The following CRB2 variants were observed in gnomAD, a reference collection of about 807,000 sequenced individuals.
CRB2 encodes protein crumbs homolog 2.
CRB2 carries 85 observed loss-of-function variants against 110.9 expected under a neutral mutation model. The observed-to-expected ratio is 0.77, with a 90% CI of 0.64 to 0.92. The LOEUF is 0.92. Ranked by LOEUF, CRB2 falls within the 40% of genes least tolerant of loss-of-function variation. The pLI, the probability that CRB2 is intolerant of heterozygous loss-of-function variation, is 0.00. For synonymous variants in CRB2, 907 were observed against 831.0 expected (o/e 1.09, Z -1.57); for missense variants, 1,843 against 1,851.3 (o/e 1.00, Z 0.08).
intron 2 of CRB2, among the ~76,000 whole-genome samples, chr9:123,363,478 C>G (rs1007254248): frequency 1.7e-4 from 26 of 152,276 alleles, no homozygotes; most frequent in Non-Finnish European, 3.5e-4. Context: ...TGGAATACCC[C>G]TCATTCATCT....
intron 12 of CRB2, among the ~76,000 whole-genome samples, chr9:123,376,407 A>G (rs905105894): frequency 5.9e-5 from 9 of 152,134 alleles, no homozygotes; most frequent in Non-Finnish European, 1.3e-4. Flanking sequence ...ACAAGCTGTC[A>G]TAACAGCCCC....
chr9:123,366,365 A>G lies in CRB2; in HGVS notation c.753A>G (p.Pro251=). ...GGAGCTTCCGCTGCCTCTGTTGGCC[A>G]GGTGTGTGCGTGCAGGTGCGCGGCC... is the stretch of plus-strand genomic sequence containing the variant. ...GLGSFRCLCW[P]GYSGELCEVD... is the part of the protein sequence containing the mutation. Residue 251 remains proline, a splice_region_variant and synonymous_variant, in exon 4 of 13, where the codon CCA becomes CCG. Coordinates refer to ENST00000373631, the MANE Select transcript of CRB2 (RefSeq NM_173689.7). 1 of 1,546,794 alleles carries G rather than the reference A, an allele frequency of 6.5e-7. No individual in the cohort carries two copies. The highest frequency in any genetic ancestry group is 1.2e-5 in the South Asian group (1 of 84,318).
At chr9:123,374,448 C>T in intron 10 of CRB2, 131 bp from the exon 11 acceptor site, 3 of 686,056 alleles carry the variant, frequency 4.4e-6, no homozygotes, top group Admixed American at 2.2e-5. Context: ...GGACCTCAAT[C>T]CCATGCCCAA....
chr9:123,367,599 G>C lies in CRB2; in HGVS notation c.967G>C (p.Glu323Gln). 1 of 1,562,896 alleles carries C rather than the reference G, an allele frequency of 6.4e-7. No individual in the cohort carries two copies. ...EGADCGVEVD[E>Q]CASRPCLNGG... ...AGCCGACTGCGGTGTGGAGGTGGACGAGTGTGCCTCACGGCCATGCCTCAA... is the reference window on the plus strand; with the variant it reads ...AGCCGACTGCGGTGTGGAGGTGGACCAGTGTGCCTCACGGCCATGCCTCAA... The change falls in exon 6 of 13, where the codon GAG becomes CAG. Residue 323 changes from glutamate to glutamine, a missense_variant. Coordinates refer to ENST00000373631, the MANE Select transcript of CRB2 (RefSeq NM_173689.7).
chr9:123,366,905 G>A lies in CRB2; in HGVS notation c.755-267G>A, dbSNP rs954066791. On this transcript the variant is annotated intron_variant, in intron 4 of 12. Transcript: ENST00000373631. Reference sequence around the variant, plus strand: ...GGTGGAGGTGAGCAGAGATCATGCCGCTGCACTCCAGCCTGGGCAACAGAG... The same window carrying A: ...GGTGGAGGTGAGCAGAGATCATGCCACTGCACTCCAGCCTGGGCAACAGAG... Among the ~76,000 whole-genome samples, 3 of 149,090 alleles carry A rather than the reference G, an allele frequency of 2.0e-5. No individual in the cohort carries two copies. In the East Asian group the frequency reaches 5.9e-4, roughly 29 times the overall value.
chr9:123,366,396 G>T (rs200295767), intron 4 of CRB2, 30 bp downstream of exon 4: 1 of 1,527,632 alleles, frequency 6.5e-7, no homozygotes. Flanking sequence ...CGGCCTGGCG[G>T]GGGGAGGGGT....
At chr9:123,368,833 C>T (rs1477611273) in intron 6 of CRB2, 11 of 1,245,360 alleles carry the variant, frequency 8.8e-6, no homozygotes, top group African/African-American at 3.1e-5. Context: ...GCTCTGCCTC[C>T]TCCCCACTTC....
At chr9:123,357,305 G>A (rs949602996) in intron 1 of CRB2, among the ~76,000 whole-genome samples, 6 of 152,050 alleles carry the variant, frequency 3.9e-5, no homozygotes, top group Non-Finnish European at 7.4e-5. Flanking sequence ...CCGGGCCTGG[G>A]AAGTCCCCTG....
chr9:123,374,483 C>A, intron 10 of CRB2, 96 bp from the exon 11 acceptor site: 2 of 823,724 alleles, frequency 2.4e-6, no homozygotes, highest in Non-Finnish European at 4.0e-6. Flanking sequence ...GAGTTCCATA[C>A]ATGAGAACAC....
chr9:123,354,668 C>A (rs1226435613), upstream of CRB2, among the ~76,000 whole-genome samples: 1 of 152,142 alleles, frequency 6.6e-6, no homozygotes, highest in African/African-American at 2.4e-5. Flanking sequence ...ATTGGAGAGG[C>A]AGGGGATTAA....
At chr9:123,376,288 C>G (rs148033683) in intron 12 of CRB2, among the ~76,000 whole-genome samples, 4 of 152,160 alleles carry the variant, frequency 2.6e-5, no homozygotes, top group Non-Finnish European at 5.9e-5. Context: ...CCTGGGACTA[C>G]AGAGTCCCAG....
At chr9:123,355,662 G>GA, upstream of CRB2, among the ~76,000 whole-genome samples, 1 of 142,792 alleles carries the variant, frequency 7.0e-6, no homozygotes, top group South Asian at 2.4e-4. Context: ...GGGGAGTGGG[G>GA]AGGGGGCGTT....
chr9:123,370,524 G>C lies in CRB2; in HGVS notation c.1471G>C (p.Ala491Pro). ...KESLELALVA[A>P]TLQATLWSYS... ...AAGCTTGGAGCTGGCATTGGTGGCA[G>C]CCACACTTCAGGCCACACTCTGGAG... The change falls in exon 7 of 13, where the codon GCC becomes CCC. Residue 491 changes from alanine to proline, a missense_variant. By Grantham distance (27) the Ala-to-Pro change is conservative (BLOSUM62 -1). Coordinates refer to ENST00000373631, the MANE Select transcript of CRB2 (RefSeq NM_173689.7). The C allele has an allele frequency of 6.2e-7, 1 of 1,613,516 alleles. No individual in the cohort carries two copies. Among genetic ancestry groups the C allele is most frequent in the Non-Finnish European group, 8.5e-7 (1 of 1,180,032 alleles).
chr9:123,364,567 G>C (rs58362711), intron 2 of CRB2, among the ~76,000 whole-genome samples: 1,960 of 145,784 alleles, frequency 0.013, 31 homozygotes, highest in South Asian at 0.071. Flanking sequence ...TGGGGATGGG[G>C]AGGGAGGAGG....
At chr9:123,369,030 C>A (rs565348219) in intron 6 of CRB2, 10 of 1,018,300 alleles carry the variant, frequency 9.8e-6, no homozygotes, top group African/African-American at 1.8e-5. Context: ...GTGAGCTGAT[C>A]GAGGCTGGGC....
In CRB2 at chr9:123,377,271, T is replaced by A. The variant is rs993761673; in HGVS notation, c.*209T>A. On this transcript the variant is annotated 3_prime_UTR_variant, in exon 13 of 13. Transcript: ENST00000373631. ...CCTAGAGAGGCTGCGGACTTCTCCA[T>A]CCCACCCTCGGGGTTCCGCCTTGGC... 1.8e-6 allele frequency: 1 copy of A among 570,734 alleles called. No individual in the cohort carries two copies. Among genetic ancestry groups the A allele is most frequent in the African/African-American group, 1.9e-5 (1 of 53,274 alleles). 35.4% of individuals were successfully genotyped at this position (570,734 alleles called of 1,614,324 possible).
In CRB2 at chr9:123,370,698, G is replaced by T; in HGVS notation, c.1645G>T (p.Gly549Cys). ...CCCTGCCCGGCTCTGTGTGGCCTCT[G>T]GTCCTGTGGCCCTGGCTTCCACGGC... ...GCPARLCVAS[G>C]PVALASTASA... is the part of the protein sequence containing the mutation. Residue 549 changes from glycine to cysteine, a missense_variant, in exon 7 of 13, where the codon GGT becomes TGT. Gly to Cys is a radical substitution (Grantham distance 159, BLOSUM62 -3). Transcript: ENST00000373631. 1.2e-6 allele frequency: 2 copies of T among 1,605,304 alleles called. No individual in the cohort carries two copies. The highest frequency in any genetic ancestry group is 1.7e-6 in the Non-Finnish European group (2 of 1,179,924).
intron 1 of CRB2, among the ~76,000 whole-genome samples, chr9:123,360,710 G>A (rs557422765): frequency 1.2e-4 from 19 of 152,298 alleles, no homozygotes; most frequent in African/African-American, 4.6e-4. Context: ...GAGGCCCTGG[G>A]TTTGGATTCC....
At position 123,363,113 on chromosome 9, in the gene CRB2, C is replaced by T. The variant is rs752220768; in HGVS notation, c.343C>T (p.Arg115Trp). ...GCTGGACATCGATGAGTGTGCATCC[C>T]GGCCGTGCCACCATGGGGCCACCTG... ...CELDIDECASRPCHHGATCRN... is the reference protein window; with the variant it reads ...CELDIDECASWPCHHGATCRN... The change falls in exon 2 of 13, where the codon CGG becomes TGG. Residue 115 changes from arginine to tryptophan, a missense_variant. Coordinates refer to ENST00000373631, the MANE Select transcript of CRB2 (RefSeq NM_173689.7). 4.6e-5 allele frequency: 74 copies of T among 1,610,784 alleles called. No individual in the cohort carries two copies. The highest frequency in any genetic ancestry group is 5.8e-5 in the Non-Finnish European group (68 of 1,179,808).
Sources: gnomAD v4.1 joint callset for allele counts (sites outside exome capture counted in the v4.1 genomes callset) on GRCh38, gnomAD v4.1.1 for gene constraint, MANE v1.5 for transcripts, NCBI Gene and HGNC (gene_info 2026-07-23, HGNC 2026-07-21) for gene names.